The following NRXN3 variants were observed in gnomAD, a reference collection of about 807,000 sequenced individuals.
NRXN3 encodes the protein neurexin III.
In NRXN3, 32 loss-of-function variants were observed where a neutral mutation model predicts 137.6. The ratio of observed to expected loss-of-function variants is 0.23; its 90% CI spans 0.18 to 0.31. The LOEUF (loss-of-function observed/expected upper bound fraction) is 0.31. Ranked by LOEUF, NRXN3 falls within the 10% of genes least tolerant of loss-of-function variation. NRXN3 has a pLI of 1.00. For missense variants in NRXN3, 1,574 were observed against 2,062.5 expected (o/e 0.76, Z 4.59); for synonymous variants, 798 against 784.5 (o/e 1.02, Z -0.29).
chr14:78,587,332 A>G (rs2097074820), intron 4 of NRXN3, among the ~76,000 whole-genome samples: 2 of 152,242 alleles, frequency 1.3e-5, no homozygotes, highest in South Asian at 2.1e-4. Flanking sequence ...GACAGGTAGT[A>G]TCAGCATCAT....
intron 15 of NRXN3, among the ~76,000 whole-genome samples, chr14:79,395,223 T>A (rs2094980134): frequency 6.6e-6 from 1 of 152,206 alleles, no homozygotes; most frequent in African/African-American, 2.4e-5. Context: ...TTTGGGCCTG[T>A]GACTTGACAT....
intron 14 of NRXN3, among the ~76,000 whole-genome samples, chr14:78,977,541 A>C (rs1314884365): frequency 6.6e-6 from 1 of 152,106 alleles, no homozygotes; most frequent in East Asian, 1.9e-4. Flanking sequence ...TATCACTTTG[A>C]AAAGAGTTAT....
At chr14:79,844,260 A>C (rs915493720) in intron 20 of NRXN3, among the ~76,000 whole-genome samples, 1 of 151,392 alleles carries the variant, frequency 6.6e-6, no homozygotes, top group Non-Finnish European at 1.5e-5. Context: ...ACTCTCCATG[A>C]GGTTTTGCAT....
At position 78,966,080 on chromosome 14, in the gene NRXN3, C is replaced by G. The variant is rs944771134; in HGVS notation, c.2451C>G (p.Ile817Met). The G allele has an allele frequency of 2.5e-6, 4 of 1,614,164 alleles. No homozygotes were observed. The highest frequency in any genetic ancestry group is 3.4e-6 in the Non-Finnish European group (4 of 1,180,012). Residue 817 changes from isoleucine to methionine, a missense_variant, in exon 12 of 21, where the codon ATC becomes ATG. Coordinates refer to ENST00000335750, the MANE Select transcript of NRXN3 (RefSeq NM_001330195.2). ...RLEFHNIETG[I>M]MTEKRYISVV... is the part of the protein sequence containing the mutation. ...AGTTCCACAACATTGAAACGGGAATCATGACTGAGAAACGCTACATCTCCG... is the reference window on the plus strand; with the variant it reads ...AGTTCCACAACATTGAAACGGGAATGATGACTGAGAAACGCTACATCTCCG...
At chr14:78,882,017 G>A (rs747273709) in intron 10 of NRXN3, among the ~76,000 whole-genome samples, 1 of 151,752 alleles carries the variant, frequency 6.6e-6, no homozygotes, top group Non-Finnish European at 1.5e-5. Flanking sequence ...ATGTGCCAAG[G>A]TACAGCTCAG....
intron 16 of NRXN3, among the ~76,000 whole-genome samples, chr14:79,566,870 T>A (rs1026295563): frequency 5.3e-5 from 8 of 152,128 alleles, no homozygotes; most frequent in African/African-American, 1.9e-4. Flanking sequence ...ATACTCCTCA[T>A]CAGGCAGTAA....
intron 4 of NRXN3, among the ~76,000 whole-genome samples, chr14:78,506,885 T>A (rs1266602287): frequency 6.6e-6 from 1 of 152,082 alleles, no homozygotes; most frequent in Non-Finnish European, 1.5e-5. Context: ...ATGTTGATCA[T>A]CTTGTATATA....
chr14:78,582,845 G>T (rs2097016705), intron 4 of NRXN3, among the ~76,000 whole-genome samples: 1 of 152,186 alleles, frequency 6.6e-6, no homozygotes, highest in Admixed American at 6.5e-5. Context: ...TAAATACAAT[G>T]CAAAGAAGGT....
chr14:79,786,878 C>G (rs2099130984), intron 19 of NRXN3, among the ~76,000 whole-genome samples: 1 of 152,190 alleles, frequency 6.6e-6, no homozygotes, highest in African/African-American at 2.4e-5. Flanking sequence ...GATTACACTA[C>G]TCTTACTTTT....
At chr14:78,439,594 A>G (rs2094179037) in intron 4 of NRXN3, among the ~76,000 whole-genome samples, 2 of 152,240 alleles carry the variant, frequency 1.3e-5, no homozygotes, top group South Asian at 4.1e-4. Flanking sequence ...AGCTTGCTGT[A>G]GCTGCTATAC....
At chr14:79,428,584 C>G (rs2095694357) in intron 15 of NRXN3, among the ~76,000 whole-genome samples, 2 of 151,976 alleles carry the variant, frequency 1.3e-5, no homozygotes, top group Non-Finnish European at 2.9e-5. Flanking sequence ...TTTTTTCTTA[C>G]ATATATTATA....
intron 14 of NRXN3, among the ~76,000 whole-genome samples, chr14:78,974,800 G>A (rs2099458390): frequency 6.6e-6 from 1 of 152,052 alleles, no homozygotes; most frequent in Non-Finnish European, 1.5e-5. Flanking sequence ...GGCTTTTTCA[G>A]CTACAACCTG....
At chr14:79,057,272 T>A (rs1047215671) in intron 15 of NRXN3, among the ~76,000 whole-genome samples, 20 of 152,230 alleles carry the variant, frequency 1.3e-4, no homozygotes, top group Non-Finnish European at 2.6e-4. Context: ...TAGAGCCTAA[T>A]GAAAATGTGG....
chr14:78,224,390 G>A (rs2064228839), intron 1 of NRXN3, among the ~76,000 whole-genome samples: 1 of 151,824 alleles, frequency 6.6e-6, no homozygotes. Flanking sequence ...GCGTCATTTA[G>A]CATTAGGTAT....
At chr14:79,363,758 A>G (rs1489932852) in intron 15 of NRXN3, among the ~76,000 whole-genome samples, 2 of 152,218 alleles carry the variant, frequency 1.3e-5, no homozygotes, top group African/African-American at 2.4e-5. Flanking sequence ...TGCATAGAAT[A>G]TCTTTGTGCT....
At chr14:78,975,410 G>A (rs1297531939) in intron 14 of NRXN3, among the ~76,000 whole-genome samples, 1 of 152,196 alleles carries the variant, frequency 6.6e-6, no homozygotes, top group Non-Finnish European at 1.5e-5. Context: ...GCTCAATGTG[G>A]CTGAAATAAT....
intron 15 of NRXN3, among the ~76,000 whole-genome samples, chr14:79,361,167 G>A (rs527643969): frequency 5.3e-5 from 8 of 152,092 alleles, no homozygotes; most frequent in Non-Finnish European, 8.8e-5. Flanking sequence ...AACATTCTGG[G>A]AAAGGAGCCG....
intron 19 of NRXN3, among the ~76,000 whole-genome samples, chr14:79,741,640 A>G (rs1173465782): frequency 6.6e-6 from 1 of 151,934 alleles, no homozygotes; most frequent in African/African-American, 2.4e-5. Flanking sequence ...GTGCATCACC[A>G]CACTCAGCTA....
At chr14:79,025,736 T>G (rs971782353) in intron 15 of NRXN3, among the ~76,000 whole-genome samples, 2 of 152,116 alleles carry the variant, frequency 1.3e-5, no homozygotes, top group African/African-American at 4.8e-5. Context: ...TGGCGATGGG[T>G]GACTGTTCAG....
Sources: allele counts gnomAD v4.1 joint callset (sites outside exome capture counted in the v4.1 genomes callset), GRCh38; gene constraint gnomAD v4.1.1; transcripts MANE v1.5; gene names NCBI Gene and HGNC (gene_info 2026-07-23, HGNC 2026-07-21).